The following NRXN1 variants were observed in gnomAD, a reference collection of about 807,000 sequenced individuals.
The protein encoded by NRXN1 is neurexin-1.
NRXN1 carries 39 observed loss-of-function variants against 150.9 expected under a neutral mutation model. The ratio of observed to expected loss-of-function variants is 0.26; its 90% CI spans 0.20 to 0.34. The LOEUF (loss-of-function observed/expected upper bound fraction) is 0.34. Ranked by LOEUF, NRXN1 falls within the 10% of genes least tolerant of loss-of-function variation. The probability of loss-of-function intolerance (pLI) is 1.00; values close to 1 mark genes in which losing one functional copy is unlikely to be tolerated. For synonymous variants in NRXN1, 924 were observed against 757.0 expected, an observed-to-expected ratio of 1.22 and a Z score of -3.62; for missense variants, 1,815 against 1,949.9, an observed-to-expected ratio of 0.93 and a Z score of 1.30.
chr2:50,260,156 C>A (rs2068103977), intron 17 of NRXN1, among the ~76,000 whole-genome samples: 1 of 151,810 alleles, frequency 6.6e-6, no homozygotes. Context: ...CTACTTTTAT[C>A]TATGAGACCC....
At chr2:50,452,576 G>C (rs1465972105) in intron 17 of NRXN1, among the ~76,000 whole-genome samples, 1 of 152,094 alleles carries the variant, frequency 6.6e-6, no homozygotes, top group Non-Finnish European at 1.5e-5. Flanking sequence ...ACTAGATATG[G>C]GCTGCTAACC....
intron 2 of NRXN1, among the ~76,000 whole-genome samples, chr2:50,990,845 G>T (rs1698437494): frequency 6.6e-6 from 1 of 152,010 alleles, no homozygotes; most frequent in East Asian, 1.9e-4. Flanking sequence ...CCCAGGTGGA[G>T]ACCTCGCCAT....
At chr2:50,670,703 G>A (rs1688716362) in intron 5 of NRXN1, among the ~76,000 whole-genome samples, 1 of 151,910 alleles carries the variant, frequency 6.6e-6, no homozygotes, top group Non-Finnish European at 1.5e-5. Context: ...TTCCCTTGGT[G>A]GGAGCACTAA....
intron 21 of NRXN1, among the ~76,000 whole-genome samples, chr2:50,015,516 C>CAAAAA (rs34466037): frequency 3.2e-5 from 1 of 31,324 alleles, no homozygotes; most frequent in Non-Finnish European, 6.0e-5. Flanking sequence ...GGATTTCTGC[C>CAAAAA]AAAAAAAAAA....
intron 5 of NRXN1, among the ~76,000 whole-genome samples, chr2:50,775,685 T>C (rs1157339869): frequency 2.6e-5 from 4 of 152,050 alleles, no homozygotes; most frequent in African/African-American, 9.7e-5. Flanking sequence ...ACAGAAGTCT[T>C]CCCAAATATT....
rs193239394 is a variant in NRXN1, at chr2:50,327,692, C to T, written c.3365-90722G>A. Among the ~76,000 whole-genome samples, 7 of 151,700 alleles carry T rather than the reference C, an allele frequency of 4.6e-5. No individual in the cohort carries two copies. The East Asian group carries it at 5.8e-4, about 13-fold the overall frequency. On this transcript the variant is annotated intron_variant, in intron 17 of 22. Transcript: ENST00000401669. Reference sequence around the variant, plus strand: ...TTTGACAGAGTCTCGCTCTTTCACCCGGGCTGAAGTGCAGTGGAAAAATCT... The same window carrying T: ...TTTGACAGAGTCTCGCTCTTTCACCTGGGCTGAAGTGCAGTGGAAAAATCT...
intron 5 of NRXN1, among the ~76,000 whole-genome samples, chr2:50,737,986 G>C (rs1386694162): frequency 1.3e-5 from 2 of 152,052 alleles, no homozygotes; most frequent in Admixed American, 6.6e-5. Flanking sequence ...ATCAAGGAAG[G>C]TTTATGGAAA....
At chr2:50,500,766 A>G (rs549192144) in intron 13 of NRXN1, among the ~76,000 whole-genome samples, 1 of 152,342 alleles carries the variant, frequency 6.6e-6, no homozygotes, top group Admixed American at 6.5e-5. Flanking sequence ...TTCCAAGTCA[A>G]ATATTTTTAC....
At chr2:50,568,959 C>T (rs1202731106) in intron 8 of NRXN1, among the ~76,000 whole-genome samples, 2 of 151,964 alleles carry the variant, frequency 1.3e-5, no homozygotes, top group Non-Finnish European at 2.9e-5. Flanking sequence ...AATTATTTAT[C>T]CATAAAAAAG....
intron 5 of NRXN1, among the ~76,000 whole-genome samples, chr2:50,902,591 A>T (rs921800612): frequency 5.3e-5 from 8 of 152,162 alleles, no homozygotes; most frequent in African/African-American, 1.2e-4. Flanking sequence ...ACATCTCCTG[A>T]TCTTCTAAGA....
chr2:50,859,565 A>T (rs1675797641), intron 5 of NRXN1, among the ~76,000 whole-genome samples: 1 of 152,012 alleles, frequency 6.6e-6, no homozygotes, highest in African/African-American at 2.4e-5. Context: ...GAGAAATCTA[A>T]TAAATCTAAC....
intron 5 of NRXN1, among the ~76,000 whole-genome samples, chr2:50,860,163 G>C (rs1249175577): frequency 6.6e-6 from 1 of 151,574 alleles, no homozygotes; most frequent in Non-Finnish European, 1.5e-5. Context: ...CAATTATTTG[G>C]TGGTGACCAG....
intron 8 of NRXN1, among the ~76,000 whole-genome samples, chr2:50,576,875 C>A (rs931014696): frequency 2.6e-5 from 4 of 152,078 alleles, no homozygotes; most frequent in Non-Finnish European, 1.5e-5. Context: ...CCCCCAACCT[C>A]CTCTGTGGTT....
intron 18 of NRXN1, among the ~76,000 whole-genome samples, chr2:50,125,561 C>T (rs1215067368): frequency 1.3e-5 from 2 of 151,822 alleles, no homozygotes; most frequent in Non-Finnish European, 2.9e-5. Context: ...TGGCACAACC[C>T]GGTGACAAGA....
intron 18 of NRXN1, among the ~76,000 whole-genome samples, chr2:50,155,010 T>C (rs1442589466): frequency 1.3e-5 from 2 of 151,674 alleles, no homozygotes; most frequent in Middle Eastern, 3.2e-3. Context: ...ATTGTATCTA[T>C]AGTGGAATTT....
At chr2:50,981,970 G>A (rs1696904385) in intron 2 of NRXN1, among the ~76,000 whole-genome samples, 1 of 148,782 alleles carries the variant, frequency 6.7e-6, no homozygotes, top group Non-Finnish European at 1.5e-5. Flanking sequence ...GAGAGATAGA[G>A]AAAGAGGAGC....
At chr2:49,977,284 C>T (rs970930825) in intron 21 of NRXN1, among the ~76,000 whole-genome samples, 3 of 152,078 alleles carry the variant, frequency 2.0e-5, no homozygotes, top group Admixed American at 1.3e-4. Flanking sequence ...CCATCCCACC[C>T]CCCAGGGAAC....
chr2:50,570,938 C>T (rs1161550443), intron 8 of NRXN1, among the ~76,000 whole-genome samples: 1 of 152,104 alleles, frequency 6.6e-6, no homozygotes, highest in Non-Finnish European at 1.5e-5. Context: ...TGTAAATTTT[C>T]CACAGAAAGA....
intron 19 of NRXN1, among the ~76,000 whole-genome samples, chr2:50,074,121 A>G (rs1696706606): frequency 6.6e-6 from 1 of 152,148 alleles, no homozygotes; most frequent in Admixed American, 6.5e-5. Flanking sequence ...TTTTTGAGGA[A>G]GAAATTTTCT....
Sources: gnomAD v4.1 joint callset for allele counts (sites outside exome capture counted in the v4.1 genomes callset) on GRCh38, gnomAD v4.1.1 for gene constraint, MANE v1.5 for transcripts, NCBI Gene and HGNC (gene_info 2026-07-23, HGNC 2026-07-21) for gene names.